Variants in BARD1 observed in about 807,000 individuals in gnomAD.
BARD1 encodes the protein BRCA1 associated RING domain 1.
BARD1 carries 73 observed loss-of-function variants against 77.0 expected under a neutral mutation model. That is an observed-to-expected ratio of 0.95 (90% confidence interval 0.79 to 1.15). The LOEUF is 1.15. Among genes scored for constraint, BARD1 ranks in the 50% most tolerant of loss-of-function variants. The pLI, the probability that BARD1 is intolerant of heterozygous loss-of-function variation, is 0.00. For synonymous variants in BARD1, 384 were observed against 338.0 expected, an observed-to-expected ratio of 1.14 and a Z score of -1.49; for missense variants, 993 against 938.8, an observed-to-expected ratio of 1.06 and a Z score of -0.75.
chr2:214,797,568 G>A (rs1438832118), intron 1 of BARD1, among the ~76,000 whole-genome samples: 1 of 152,110 alleles, frequency 6.6e-6, no homozygotes, highest in Non-Finnish European at 1.5e-5. Context: ...AGAGTGAAGA[G>A]GAGTGATAAT....
intron 3 of BARD1, 38 bp downstream of exon 3, chr2:214,792,259 T>G (rs758775161): frequency 1.2e-6 from 2 of 1,601,792 alleles, no homozygotes; most frequent in Non-Finnish European, 1.7e-6. Flanking sequence ...AGTTTTTAAC[T>G]GATGAATTTA....
rs545674283 is a variant in BARD1, at chr2:214,743,134, G to C, written c.1903+1933C>G. ...TGGCATTGCTAGTCACAGCCTCTTA[G>C]CTGGATCAGACTGCATTGGTTGAGA... On this transcript the variant is annotated intron_variant, in intron 9 of 10. Coordinates refer to ENST00000260947, the MANE Select transcript of BARD1 (RefSeq NM_000465.4). Among the ~76,000 whole-genome samples, 3 of 152,284 alleles carry C rather than the reference G, an allele frequency of 2.0e-5. No homozygotes were observed. The highest frequency in any genetic ancestry group is 3.9e-4 in the East Asian group (2 of 5,176).
chr2:214,796,332 T>C (rs545908440), intron 2 of BARD1, among the ~76,000 whole-genome samples: 3 of 152,326 alleles, frequency 2.0e-5, no homozygotes, highest in African/African-American at 7.2e-5. Flanking sequence ...TTACTGTGAA[T>C]GTGACCTAAT....
intron 9 of BARD1, chr2:214,731,137 G>GAAA (rs34664471): frequency 2.4e-4 from 49 of 200,144 alleles, no homozygotes; most frequent in East Asian, 1.2e-3. Context: ...GGCTTTGCAG[G>GAAA]AAAAAAAAAA....
At chr2:214,739,997 CATA>C (rs1296308474) in intron 9 of BARD1, among the ~76,000 whole-genome samples, 6 of 151,836 alleles carry the variant, frequency 4.0e-5, no homozygotes, top group African/African-American at 1.2e-4. Flanking sequence ...TTGTATTATG[CATA>C]ATAATATCAA....
At chr2:214,733,921 T>A (rs937344548) in intron 9 of BARD1, among the ~76,000 whole-genome samples, 2 of 152,178 alleles carry the variant, frequency 1.3e-5, no homozygotes, top group African/African-American at 4.8e-5. Flanking sequence ...AAAAGGTTAA[T>A]AGCTTATACA....
At chr2:214,736,275 A>T (rs1185555083) in intron 9 of BARD1, among the ~76,000 whole-genome samples, 1 of 152,132 alleles carries the variant, frequency 6.6e-6, no homozygotes, top group Non-Finnish European at 1.5e-5. Context: ...GAATTATGTC[A>T]TATATTGTTT....
At chr2:214,776,638 G>T (rs542696787) in intron 4 of BARD1, among the ~76,000 whole-genome samples, 19 of 152,126 alleles carry the variant, frequency 1.2e-4, no homozygotes, top group Non-Finnish European at 1.9e-4. Flanking sequence ...AAATACAAAG[G>T]GAAATTAGGA....
chr2:214,799,166 T>C (rs1175692524), intron 1 of BARD1, among the ~76,000 whole-genome samples: 1 of 152,078 alleles, frequency 6.6e-6, no homozygotes, highest in African/African-American at 2.4e-5. Context: ...CCAGGCATGG[T>C]AGTGCACGCC....
At chr2:214,804,321 C>A (rs1327671601) in intron 1 of BARD1, among the ~76,000 whole-genome samples, 2 of 152,206 alleles carry the variant, frequency 1.3e-5, no homozygotes, top group East Asian at 3.8e-4. Flanking sequence ...CAAATGTGAT[C>A]CTACCTTAAC....
chr2:214,761,781 G>T (rs1693976629), intron 6 of BARD1, among the ~76,000 whole-genome samples: 1 of 152,116 alleles, frequency 6.6e-6, no homozygotes, highest in African/African-American at 2.4e-5. Context: ...ATTTAATATG[G>T]ATATTAGTAT....
chr2:214,780,629 C>A lies in BARD1; in HGVS notation c.1245G>T (p.Lys415Asn). 1 of 1,614,080 alleles carries A rather than the reference C, an allele frequency of 6.2e-7. No individual in the cohort carries two copies. Among genetic ancestry groups the A allele is most frequent in the South Asian group, 1.1e-5 (1 of 91,074 alleles). The change falls in exon 4 of 11, where the codon AAG becomes AAT. Residue 415 changes from lysine to asparagine, a missense_variant. Transcript: ENST00000260947. ...RRVMSSPSAMKLLPNMAVKRN... is the reference protein window; with the variant it reads ...RRVMSSPSAMNLLPNMAVKRN... ...TTTTCACAGCCATATTGGGCAACAG[C>A]TTCATTGCTGAGGGACTAGACATCA...
rs148022635 is a variant in BARD1, at chr2:214,781,965, C to G, written c.365-456G>C. Reference sequence around the variant, plus strand: ...AAATCCCAATGTAATTTCCAGTAGGCTTGTTTGTAAAACTCGACAAGCAAT... The same window carrying G: ...AAATCCCAATGTAATTTCCAGTAGGGTTGTTTGTAAAACTCGACAAGCAAT... On this transcript the variant is annotated intron_variant, in intron 3 of 10. Coordinates refer to ENST00000260947, the MANE Select transcript of BARD1 (RefSeq NM_000465.4). Among the ~76,000 whole-genome samples the G allele has an allele frequency of 5.5e-3, 843 of 152,176 alleles. 8 individuals carry two copies. The highest frequency in any genetic ancestry group is 0.02 in the African/African-American group (811 of 41,526).
At chr2:214,795,655 G>A (rs575801229) in intron 2 of BARD1, among the ~76,000 whole-genome samples, 33 of 152,176 alleles carry the variant, frequency 2.2e-4, no homozygotes, top group Admixed American at 2.2e-3. Flanking sequence ...ATAAACTGTA[G>A]AAAATTCAGA....
intron 1 of BARD1, among the ~76,000 whole-genome samples, chr2:214,806,891 A>AAAAAAAG (rs1559451269): frequency 6.6e-6 from 1 of 151,210 alleles, no homozygotes; most frequent in Admixed American, 6.6e-5. Context: ...AAAAAAAAAA[A>AAAAAAAG]AGGCACCCCA....
In BARD1 at chr2:214,780,836, A is replaced by G. The variant is rs1574817811; in HGVS notation, c.1038T>C (p.Asp346=). 1 of 1,614,104 alleles carries G rather than the reference A, an allele frequency of 6.2e-7. No homozygotes were observed. The change falls in exon 4 of 11, where the codon GAT becomes GAC. Residue 346 remains aspartate (D), a synonymous_variant. Coordinates refer to ENST00000260947, the MANE Select transcript of BARD1 (RefSeq NM_000465.4). ...CTGAGGGCACCGTTTGCTTAACAAAATCTCCACTGGTGCTCAGAATGCTGG... is the reference window on the plus strand; with the variant it reads ...CTGAGGGCACCGTTTGCTTAACAAAGTCTCCACTGGTGCTCAGAATGCTGG... The part of the protein sequence containing the change: ...CRTSILSTSG[D]FVKQTVPSEN...
chr2:214,804,699 T>C (rs1696186582), intron 1 of BARD1, among the ~76,000 whole-genome samples: 1 of 152,316 alleles, frequency 6.6e-6, no homozygotes, highest in South Asian at 2.1e-4. Context: ...GTTAACTATA[T>C]AAACCAACTG....
chr2:214,749,070 A>C (rs973958055), intron 7 of BARD1, among the ~76,000 whole-genome samples: 1 of 152,074 alleles, frequency 6.6e-6, no homozygotes. Context: ...GTTAGACAGC[A>C]CTGGGAGGTT....
chr2:214,760,957 G>T (rs568281574), intron 6 of BARD1, among the ~76,000 whole-genome samples: 13 of 151,048 alleles, frequency 8.6e-5, no homozygotes, highest in African/African-American at 2.4e-4. Context: ...TGTATTTTTA[G>T]TAGAGACGGG....
Sources: gnomAD v4.1 joint callset for allele counts (sites outside exome capture counted in the v4.1 genomes callset) on GRCh38, gnomAD v4.1.1 for gene constraint, MANE v1.5 for transcripts, NCBI Gene and HGNC (gene_info 2026-07-23, HGNC 2026-07-21) for gene names.